Variants in TACC2 observed in about 807,000 individuals in gnomAD.
TACC2 encodes the protein transforming acidic coiled-coil-containing protein 2.
Under a neutral mutation model 227.3 loss-of-function variants are expected in TACC2, and 137 were observed. That is an observed-to-expected ratio of 0.60 (90% CI 0.52 to 0.69). The LOEUF (loss-of-function observed/expected upper bound fraction) is 0.69. Among genes scored for constraint, TACC2 ranks in the 30% least tolerant of loss-of-function variants. The pLI is 0.00. For synonymous variants in TACC2, 1,523 were observed against 1,487.5 expected, an observed-to-expected ratio of 1.02 and a Z score of -0.55; for missense variants, 3,470 against 3,694.4, an observed-to-expected ratio of 0.94 and a Z score of 1.57.
chr10:122,008,264 A>ATTATTATTAT, intron 1 of TACC2, among the ~76,000 whole-genome samples: 61 of 134,660 alleles, frequency 4.5e-4, no homozygotes, highest in African/African-American at 1.5e-3. Flanking sequence ...TATTATTATT[A>ATTATTATTAT]TTTTTTTTTT....
At chr10:122,147,247 C>T (rs562690650) in intron 7 of TACC2, among the ~76,000 whole-genome samples, 5 of 152,032 alleles carry the variant, frequency 3.3e-5, no homozygotes, top group East Asian at 1.9e-4. Context: ...GAAGCTCAAG[C>T]GATTCTCCTG....
rs370568629 is a variant in TACC2 at position 122,089,597 on chromosome 10, C to T, written c.5573+1006C>T. On this transcript the variant is annotated intron_variant, in intron 5 of 22. Transcript: ENST00000369005. ...CGTACACAGACACACAGTGAACAAG[C>T]TTTCCGCCTCCCTAGGCCTTTGGCT... Among the ~76,000 whole-genome samples the T allele has an allele frequency of 5.6e-4, 86 of 152,368 alleles. 2 individuals are homozygous for T. The highest frequency in any genetic ancestry group is 1.9e-3 in the African/African-American group (81 of 41,582).
At chr10:122,061,285 CAAAA>C (rs58324245) in intron 3 of TACC2, among the ~76,000 whole-genome samples, 1 of 87,106 alleles carries the variant, frequency 1.1e-5, no homozygotes, top group Admixed American at 1.6e-4. Context: ...CACTCCGTCT[CAAAA>C]AAAAAAAAAA....
chr10:122,107,414 C>A (rs909939355), intron 5 of TACC2, among the ~76,000 whole-genome samples: 5 of 151,942 alleles, frequency 3.3e-5, no homozygotes, highest in African/African-American at 9.7e-5. Context: ...CATGGTGAAA[C>A]CCCGTCTCTA....
At chr10:122,082,574 G>A in intron 3 of TACC2, 73 bp from the exon 4 acceptor site, 1 of 1,517,344 alleles carries the variant, frequency 6.6e-7, no homozygotes, top group Non-Finnish European at 8.9e-7. Context: ...GGGTGGGTTG[G>A]GGGGTGACCT....
At chr10:121,996,722 C>T (rs1953551042) in intron 1 of TACC2, among the ~76,000 whole-genome samples, 1 of 152,076 alleles carries the variant, frequency 6.6e-6, no homozygotes, top group Non-Finnish European at 1.5e-5. Context: ...ATGAGCAAGG[C>T]AAGAGAGGGA....
intron 8 of TACC2, among the ~76,000 whole-genome samples, chr10:122,203,602 C>T (rs377115508): frequency 0.12 from 18,560 of 150,576 alleles, 2,890 homozygotes; most frequent in African/African-American, 0.36. Flanking sequence ...AGAAGATGGG[C>T]GGCCGGGCAG....
chr10:122,202,902 A>G (rs2094923661), intron 8 of TACC2, among the ~76,000 whole-genome samples: 1 of 151,158 alleles, frequency 6.6e-6, no homozygotes, highest in Non-Finnish European at 1.5e-5. Flanking sequence ...TTAACAAAGC[A>G]CATCTTGCAC....
At chr10:122,233,903 T>C (rs904827707) in intron 16 of TACC2, among the ~76,000 whole-genome samples, 1 of 152,114 alleles carries the variant, frequency 6.6e-6, no homozygotes, top group Non-Finnish European at 1.5e-5. Flanking sequence ...GGGGACTGCC[T>C]GTGGTCAGAA....
chr10:122,147,974 A>G (rs747775251), intron 7 of TACC2, among the ~76,000 whole-genome samples: 4 of 152,188 alleles, frequency 2.6e-5, no homozygotes, highest in African/African-American at 7.2e-5. Context: ...CAGGGATCCA[A>G]TCAACCGTGT....
chr10:122,043,512 T>TTTTTCTTTC (rs1477532541), intron 2 of TACC2, among the ~76,000 whole-genome samples: 2 of 105,518 alleles, frequency 1.9e-5, no homozygotes, highest in Non-Finnish European at 1.8e-5. Context: ...TTTCTCTTTC[T>TTTTTCTTTC]TTTTCTTTCT....
intron 2 of TACC2, chr10:122,033,001 A>AC (rs10652540): frequency 1.3e-6 from 1 of 767,080 alleles, no homozygotes; most frequent in South Asian, 1.5e-5. Flanking sequence ...AACAACAACA[A>AC]AAACAAAAAA....
chr10:122,140,675 G>T (rs2090393647), intron 6 of TACC2, among the ~76,000 whole-genome samples: 1 of 152,192 alleles, frequency 6.6e-6, no homozygotes, highest in South Asian at 2.1e-4. Flanking sequence ...ATTTGTTCAG[G>T]GCCCGACTTC....
At chr10:122,223,191 C>G (rs1256866516) in intron 11 of TACC2, among the ~76,000 whole-genome samples, 1 of 151,584 alleles carries the variant, frequency 6.6e-6, no homozygotes, top group Non-Finnish European at 1.5e-5. Context: ...GTAGCTGGAA[C>G]TACAGGTATG....
intron 3 of TACC2, among the ~76,000 whole-genome samples, chr10:122,056,342 T>G (rs1025065696): frequency 1.3e-5 from 2 of 152,072 alleles, no homozygotes; most frequent in African/African-American, 4.8e-5. Flanking sequence ...GCCCGGCTAA[T>G]TTTTGTATTT....
chr10:122,205,636 C>T lies in TACC2; in HGVS notation c.5972-4761C>T, dbSNP rs558389216. ...AGTTCCAGACTTCCCGATGAGGAGGCGCACCTGTGGCACCTGTTACGATGG... is the reference window on the plus strand; with the variant it reads ...AGTTCCAGACTTCCCGATGAGGAGGTGCACCTGTGGCACCTGTTACGATGG... On this transcript the variant is annotated intron_variant, in intron 8 of 22. Transcript: ENST00000369005. The surrounding 1 kb of genome is among the most constrained non-coding windows in gnomAD (Gnocchi z 4.5). Among the ~76,000 whole-genome samples, 3 of 152,322 alleles carry T rather than the reference C, an allele frequency of 2.0e-5. 1 individual carries two copies. The East Asian group carries it at 5.8e-4, about 29-fold the overall frequency.
chr10:122,220,402 G>A (rs1321812555), intron 11 of TACC2, among the ~76,000 whole-genome samples: 2 of 152,258 alleles, frequency 1.3e-5, no homozygotes, highest in East Asian at 1.9e-4. Flanking sequence ...AATTTAAGCT[G>A]GTAGACAATA....
chr10:122,168,289 G>A (rs1039985856), intron 7 of TACC2, among the ~76,000 whole-genome samples: 2 of 152,184 alleles, frequency 1.3e-5, no homozygotes, highest in African/African-American at 4.8e-5. Context: ...AATGTGAGTT[G>A]CAGCCAGTTT....
intron 6 of TACC2, among the ~76,000 whole-genome samples, chr10:122,133,251 C>G (rs2088764849): frequency 6.6e-6 from 1 of 152,108 alleles, no homozygotes; most frequent in Non-Finnish European, 1.5e-5. Context: ...TGCCATGTCA[C>G]CTCCCACCAG....
Sources: allele counts gnomAD v4.1 joint callset (sites outside exome capture counted in the v4.1 genomes callset), GRCh38; gene constraint gnomAD v4.1.1; non-coding constraint Gnocchi (gnomAD v3.1); transcripts MANE v1.5; gene names NCBI Gene and HGNC (gene_info 2026-07-23, HGNC 2026-07-21).